The following APOA1 variants were observed in gnomAD, a reference collection of about 807,000 sequenced individuals.
The protein encoded by APOA1 is apolipoprotein A1.
APOA1 carries 22 observed loss-of-function variants against 25.9 expected under a neutral mutation model. The observed-to-expected ratio is 0.85, with a 90% CI of 0.61 to 1.21. The LOEUF is 1.21. Among genes scored for constraint, APOA1 ranks in the 50% most tolerant of loss-of-function variants. The pLI is 0.00. For synonymous variants in APOA1, 163 were observed against 152.2 expected (o/e 1.07, Z -0.52); for missense variants, 351 against 347.9 (o/e 1.01, Z -0.07).
At position 116,835,933 on chromosome 11, in the gene APOA1, GC is replaced by G. The variant is rs1440319688; in HGVS notation, c.678del (p.Leu227SerfsTer28). 1.2e-6 allele frequency: 2 copies of G among 1,612,968 alleles called. No individual in the cohort carries two copies. The highest frequency in any genetic ancestry group is 1.7e-6 in the Non-Finnish European group (2 of 1,179,986). Reference sequence around the variant, plus strand: ...AGCGCGGGCTTGGCCTTCTCGCTGAGCGTGCTCAGATGCTCGGTGGCCTTGG... The same window carrying G: ...AGCGCGGGCTTGGCCTTCTCGCTGAGGTGCTCAGATGCTCGGTGGCCTTGG... ...YHAKATEHLSTLSEKAKPALE... is the reference protein window; with the variant it reads ...YHAKATEHLSXLSEKAKPALE... On this transcript the variant is annotated frameshift_variant, in exon 4 of 4. Transcript: ENST00000236850. LOFTEE classifies it high-confidence loss of function.
At position 116,837,101 on chromosome 11, in the gene APOA1, G is replaced by T; in HGVS notation, c.100C>A (p.Arg34=). 2 of 1,613,978 alleles carry T rather than the reference G, an allele frequency of 1.2e-6. No homozygotes were observed. Among genetic ancestry groups the T allele is most frequent in the Non-Finnish European group, 1.7e-6 (2 of 1,179,956 alleles). The change falls in exon 3 of 4, where the codon CGA becomes AGA. Residue 34 remains arginine, a synonymous_variant. Coordinates refer to ENST00000236850, the MANE Select transcript of APOA1 (RefSeq NM_000039.3). ...TACACAGTGGCCAGGTCCTTCACTC[G>T]ATCCCAGGGGCTCTGGGGGGGTTCA... ...QDEPPQSPWD[R]VKDLATVYVD... is the part of the protein sequence containing the mutation.
Position 116,837,092 on chromosome 11 carries a change from C to T in APOA1, c.109G>A (p.Asp37Asn), listed in dbSNP as rs1941570680. 1 of 1,614,126 alleles carries T rather than the reference C, an allele frequency of 6.2e-7. No homozygotes were observed. Among genetic ancestry groups the T allele is most frequent in the African/African-American group, 1.3e-5 (1 of 75,062 alleles). ...PPQSPWDRVK[D>N]LATVYVDVLK... is the part of the protein sequence containing the mutation. Reference sequence around the variant, plus strand: ...ACATCCACGTACACAGTGGCCAGGTCCTTCACTCGATCCCAGGGGCTCTGG... The same window carrying T: ...ACATCCACGTACACAGTGGCCAGGTTCTTCACTCGATCCCAGGGGCTCTGG... The change falls in exon 3 of 4, where the codon GAC (aspartate) becomes AAC (asparagine). Residue 37 changes from aspartate (D) to asparagine (N), a missense_variant. By Grantham distance (23) the Asp-to-Asn change is conservative. Transcript: ENST00000236850.
chr11:116,836,750 G>A (rs1302573233), intron 3 of APOA1, among the ~76,000 whole-genome samples: 1 of 152,222 alleles, frequency 6.6e-6, no homozygotes, highest in African/African-American at 2.4e-5. Context: ...GGTGAAGAAG[G>A]GAAAGGGGCT....
At chr11:116,836,887 C>T in intron 3 of APOA1, 114 bp downstream of exon 3, 1 of 1,238,962 alleles carries the variant, frequency 8.1e-7, no homozygotes, top group South Asian at 1.2e-5. Context: ...TCCAGACCAT[C>T]TGTGGGGCCC....
At chr11:116,837,498 G>A (rs764121788) in intron 1 of APOA1, 91 bp from the exon 2 acceptor site, 3 of 1,363,768 alleles carry the variant, frequency 2.2e-6, no homozygotes, top group South Asian at 2.5e-5. Flanking sequence ...GTGAGGAGAA[G>A]GGCACAGAGC....
rs563067047 is a variant in APOA1 at position 116,837,111 on chromosome 11, G to T, written c.90C>A (p.Ser30Arg). Residue 30 changes from serine (S) to arginine (R), a missense_variant, in exon 3 of 4, where the codon AGC becomes AGA. Physicochemically the swap from Ser to Arg is moderately radical, Grantham distance 110. Transcript: ENST00000236850. ...HFWQQDEPPQ[S>R]PWDRVKDLAT... The stretch of plus-strand genomic sequence containing the variant: ...CCAGGTCCTTCACTCGATCCCAGGG[G>T]CTCTGGGGGGGTTCATCTTGCTGCC... 6.2e-7 allele frequency: 1 copy of T among 1,613,698 alleles called. No individual in the cohort carries two copies. The highest frequency in any genetic ancestry group is 1.3e-5 in the African/African-American group (1 of 74,934).
chr11:116,837,384 T>G lies in APOA1; in HGVS notation c.4A>C (p.Lys2Gln), dbSNP rs1941582649. 1.9e-6 allele frequency: 3 copies of G among 1,559,946 alleles called. No homozygotes were observed. Among genetic ancestry groups the G allele is most frequent in the Non-Finnish European group, 2.6e-6 (3 of 1,151,364 alleles). Residue 2 changes from lysine (K) to glutamine (Q), a missense_variant, in exon 2 of 4, where the codon AAA (lysine) becomes CAA (glutamine). Coordinates refer to ENST00000236850, the MANE Select transcript of APOA1 (RefSeq NM_000039.3). ...ACGGCCAAGGTCAGCACCGCAGCTT[T>G]CATCCTGAAGGGCCGTGGGGGACCT... Reference protein sequence around the residue: MKAAVLTLAVLF... With the variant: MQAAVLTLAVLF...
intron 2 of APOA1, 67 bp from the exon 3 acceptor site, chr11:116,837,224 C>G: frequency 1.9e-6 from 3 of 1,601,746 alleles, no homozygotes; most frequent in Non-Finnish European, 2.6e-6. Flanking sequence ...AAAGGCCAAG[C>G]TTGGAGGTGG....
In APOA1 at chr11:116,836,984, C is replaced by G. The variant is rs1043189289; in HGVS notation, c.200+17G>C. ...CTGCCCCCTACCCCTGCCCTCAACC[C>G]CAGGCTGGGTCCTTACTTTAGCTGT... On this transcript the variant is annotated intron_variant, in intron 3 of 3. Transcript: ENST00000236850. 4 of 1,613,800 alleles carry G rather than the reference C, an allele frequency of 2.5e-6. No homozygotes were observed. Among genetic ancestry groups the G allele is most frequent in the Admixed American group, 3.3e-5 (2 of 60,016 alleles).
In APOA1 at chr11:116,836,036, G is replaced by A; in HGVS notation, c.576C>T (p.Asp192=). 4 of 1,606,158 alleles carry A rather than the reference G, an allele frequency of 2.5e-6. No homozygotes were observed. Among genetic ancestry groups the A allele is most frequent in the East Asian group, 2.2e-5 (1 of 44,836 alleles). ...GCGCGGCCAAGCGCTGGCGCAGCTC[G>A]TCGCTGTAGGGGGCCAGATGCGTGC... The part of the protein sequence containing the change: ...ALRTHLAPYS[D]ELRQRLAARL... Residue 192 remains aspartate, a synonymous_variant, in exon 4 of 4, where the codon GAC becomes GAT. Coordinates refer to ENST00000236850, the MANE Select transcript of APOA1 (RefSeq NM_000039.3).
At position 116,835,834 on chromosome 11, in the gene APOA1, ACTC is replaced by A. The variant is rs1416566204; in HGVS notation, c.775_777del (p.Glu259del). 1 of 1,612,946 alleles carries A rather than the reference ACTC, an allele frequency of 6.2e-7. No homozygotes were observed. Among genetic ancestry groups the A allele is most frequent in the East Asian group, 2.2e-5 (1 of 44,862 alleles). ...CACTGGGTGTTGAGCTTCTTAGTGT[ACTC>A]CTCGAGAGCGCTCAGGAAGCTGACC... On this transcript the variant is annotated inframe_deletion, in exon 4 of 4. Coordinates refer to ENST00000236850, the MANE Select transcript of APOA1 (RefSeq NM_000039.3).
rs1459118472 is a variant in APOA1, at chr11:116,836,197, A to G, written c.415T>C (p.Tyr139His). Residue 139 changes from tyrosine (Y) to histidine (H), a missense_variant, in exon 4 of 4, where the codon TAC becomes CAC. Coordinates refer to ENST00000236850, the MANE Select transcript of APOA1 (RefSeq NM_000039.3). ...CGCAGCGGCTCCACCTTCTGGCGGT[A>G]GAGCTCCATCTCCTCCTGCCACTTC... ...QKKWQEEMEL[Y>H]RQKVEPLRAE... 3 of 1,613,760 alleles carry G rather than the reference A, an allele frequency of 1.9e-6. No homozygotes were observed. The highest frequency in any genetic ancestry group is 2.5e-6 in the Non-Finnish European group (3 of 1,180,024).
At position 116,837,145 on chromosome 11, in the gene APOA1, C is replaced by T. The variant is rs777407596; in HGVS notation, c.56G>A (p.Arg19Gln). 4 of 1,612,238 alleles carry T rather than the reference C, an allele frequency of 2.5e-6. No homozygotes were observed. The highest frequency in any genetic ancestry group is 3.4e-6 in the Non-Finnish European group (4 of 1,178,884). ...GGGTTCATCTTGCTGCCAGAAATGC[C>T]GAGCCTGGCTCCCTGAGGGTGGGAG... is the stretch of plus-strand genomic sequence containing the variant. ...AVLFLTGSQA[R>Q]HFWQQDEPPQ... The change falls in exon 3 of 4, where the codon CGG becomes CAG. Residue 19 changes from arginine to glutamine, a missense_variant. Arg to Gln is a conservative substitution (Grantham distance 43). Coordinates refer to ENST00000236850, the MANE Select transcript of APOA1 (RefSeq NM_000039.3).
chr11:116,836,337 G>A lies in APOA1; in HGVS notation c.275C>T (p.Thr92Ile), dbSNP rs766422306. 8 of 1,614,016 alleles carry A rather than the reference G, an allele frequency of 5.0e-6. No homozygotes were observed. The highest frequency in any genetic ancestry group is 1.7e-5 in the Admixed American group (1 of 60,006). ...SKLREQLGPV[T>I]QEFWDNLEKE... ...TTCCAGGTTATCCCAGAACTCCTGG[G>A]TCACAGGGCCGAGCTGTTCGCGCAG... The change falls in exon 4 of 4, where the codon ACC becomes ATC. Residue 92 changes from threonine (T) to isoleucine (I), a missense_variant. Coordinates refer to ENST00000236850, the MANE Select transcript of APOA1 (RefSeq NM_000039.3).
Position 116,836,203 on chromosome 11 carries a change from C to G in APOA1, c.409G>C (p.Glu137Gln). 6.2e-7 allele frequency: 1 copy of G among 1,613,872 alleles called. No homozygotes were observed. Among genetic ancestry groups the G allele is most frequent in the Middle Eastern group, 1.6e-4 (1 of 6,062 alleles). ...GGCTCCACCTTCTGGCGGTAGAGCT[C>G]CATCTCCTCCTGCCACTTCTTCTGG... The part of the protein sequence containing the change: ...DFQKKWQEEM[E>Q]LYRQKVEPLR... The change falls in exon 4 of 4, where the codon GAG (glutamate) becomes CAG (glutamine). Residue 137 changes from glutamate to glutamine, a missense_variant. By Grantham distance (29) the Glu-to-Gln change is conservative. Transcript: ENST00000236850.
In APOA1 at chr11:116,837,601, G is replaced by A. The variant is rs1261956884; in HGVS notation, c.-21+4C>T. The A allele has an allele frequency of 8.1e-6, 5 of 618,870 alleles. No homozygotes were observed. The highest frequency in any genetic ancestry group is 1.4e-5 in the Non-Finnish European group (5 of 345,856). 38.3% of individuals were successfully genotyped at this position (618,870 alleles called of 1,614,324 possible). A position where few individuals can be genotyped will look rare whatever the true frequency, so the allele number is the denominator to read the frequency against. On this transcript the variant is annotated splice_donor_region_variant and intron_variant, in intron 1 of 3. Transcript: ENST00000236850. The stretch of plus-strand genomic sequence containing the variant: ...GAGTGACCGGGGCAGGCAGCAGGAC[G>A]CACCTCCTTCTCGCAGTCTCTAAGC...
chr11:116,835,901 G>A lies in APOA1; in HGVS notation c.711C>T (p.Asp237=). ...LSEKAKPALE[D]LRQGLLPVLE... The stretch of plus-strand genomic sequence containing the variant: ...GCACGGGCAGCAGGCCTTGGCGGAG[G>A]TCCTCGAGCGCGGGCTTGGCCTTCT... The change falls in exon 4 of 4, where the codon GAC becomes GAT. Residue 237 remains aspartate (D), a synonymous_variant. Transcript: ENST00000236850. 1 of 1,613,242 alleles carries A rather than the reference G, an allele frequency of 6.2e-7. No homozygotes were observed.
Position 116,835,885 on chromosome 11 carries a change from G to C in APOA1, c.727C>G (p.Leu243Val), listed in dbSNP as rs757288749. The change falls in exon 4 of 4, where the codon CTG (leucine) becomes GTG (valine). Residue 243 changes from leucine (L) to valine (V), a missense_variant. Coordinates refer to ENST00000236850, the MANE Select transcript of APOA1 (RefSeq NM_000039.3). ...ACCTTGAAGCTCTCCAGCACGGGCA[G>C]CAGGCCTTGGCGGAGGTCCTCGAGC... ...PALEDLRQGL[L>V]PVLESFKVSF... 6.2e-7 allele frequency: 1 copy of C among 1,613,272 alleles called. No homozygotes were observed. Among genetic ancestry groups the C allele is most frequent in the South Asian group, 1.1e-5 (1 of 91,090 alleles).
At position 116,835,914 on chromosome 11, in the gene APOA1, G is replaced by A. The variant is rs1479188566; in HGVS notation, c.698C>T (p.Pro233Leu). ...GCCTTGGCGGAGGTCCTCGAGCGCG[G>A]GCTTGGCCTTCTCGCTGAGCGTGCT... The part of the protein sequence containing the change: ...HLSTLSEKAK[P>L]ALEDLRQGLL... Residue 233 changes from proline (P) to leucine (L), a missense_variant, in exon 4 of 4, where the codon CCC (proline) becomes CTC (leucine). By Grantham distance (98) the Pro-to-Leu change is moderately conservative. Coordinates refer to ENST00000236850, the MANE Select transcript of APOA1 (RefSeq NM_000039.3). 1 of 1,613,170 alleles carries A rather than the reference G, an allele frequency of 6.2e-7. No individual in the cohort carries two copies. The highest frequency in any genetic ancestry group is 1.7e-5 in the Admixed American group (1 of 60,032).
Sources: gnomAD v4.1 joint callset for allele counts (sites outside exome capture counted in the v4.1 genomes callset) on GRCh38, gnomAD v4.1.1 for gene constraint, MANE v1.5 for transcripts, NCBI Gene and HGNC (gene_info 2026-07-23, HGNC 2026-07-21) for gene names.